FYB1: variants seen among roughly 807,000 people sequenced by gnomAD.
The protein encoded by FYB1 is FYN-binding protein 1.
A neutral mutation model predicts 94.1 loss-of-function variants in FYB1; 41 were observed. The ratio of observed to expected loss-of-function variants is 0.44; its 90% CI spans 0.34 to 0.57. FYB1 has a LOEUF of 0.57. Among genes scored for constraint, FYB1 ranks in the 20% least tolerant of loss-of-function variants. FYB1 has a pLI of 0.02. For synonymous variants in FYB1, 367 were observed against 353.2 expected (o/e 1.04, Z -0.44); for missense variants, 1,050 against 976.8 (o/e 1.07, Z -1.00).
intron 1 of FYB1, among the ~76,000 whole-genome samples, chr5:39,258,421 G>A (rs1009561594): frequency 2.6e-5 from 4 of 152,104 alleles, no homozygotes; most frequent in Non-Finnish European, 5.9e-5. Context: ...CCAACATGGT[G>A]AAACCCCATC....
intron 17 of FYB1, among the ~76,000 whole-genome samples, chr5:39,108,935 T>C (rs1239245879): frequency 6.6e-6 from 1 of 152,134 alleles, no homozygotes; most frequent in Non-Finnish European, 1.5e-5. Context: ...ATCCCTTCTA[T>C]GTACCAGGAG....
At chr5:39,267,748 A>G (rs1259759182) in intron 1 of FYB1, among the ~76,000 whole-genome samples, 1 of 152,266 alleles carries the variant, frequency 6.6e-6, no homozygotes, top group African/African-American at 2.4e-5. Flanking sequence ...TTACTATGCC[A>G]TTATATAGTA....
chr5:39,246,800 G>A (rs1194989757), intron 1 of FYB1, among the ~76,000 whole-genome samples: 1 of 152,046 alleles, frequency 6.6e-6, no homozygotes. Flanking sequence ...AGAGTCACAT[G>A]ACAAAGACAT....
chr5:39,181,228 C>T (rs896180885), intron 2 of FYB1, among the ~76,000 whole-genome samples: 2 of 152,132 alleles, frequency 1.3e-5, no homozygotes, highest in Admixed American at 6.5e-5. Flanking sequence ...TATATCAGTG[C>T]TGTCCAAAAG....
chr5:39,256,239 C>A (rs1478041363), intron 1 of FYB1, among the ~76,000 whole-genome samples: 1 of 152,116 alleles, frequency 6.6e-6, no homozygotes, highest in East Asian at 1.9e-4. Flanking sequence ...TGCAATGAAC[C>A]CAAAGGAGAA....
intron 1 of FYB1, among the ~76,000 whole-genome samples, chr5:39,260,774 A>G (rs977203204): frequency 3.3e-5 from 5 of 152,118 alleles, no homozygotes; most frequent in Non-Finnish European, 5.9e-5. Context: ...CGTAGTGTAT[A>G]ATATTCCTAT....
At chr5:39,232,647 ATGC>A (rs1450383371) in intron 1 of FYB1, among the ~76,000 whole-genome samples, 1 of 151,562 alleles carries the variant, frequency 6.6e-6, no homozygotes, top group Admixed American at 6.6e-5. Flanking sequence ...TACATGTGCC[ATGC>A]TGGTGCACTG....
intron 1 of FYB1, among the ~76,000 whole-genome samples, chr5:39,212,017 A>G (rs1749441968): frequency 6.6e-6 from 1 of 152,224 alleles, no homozygotes; most frequent in Admixed American, 6.5e-5. Context: ...GACAGGTGGC[A>G]GCAGCTGGGC....
At chr5:39,188,494 CGTAG>C (rs1747049040) in intron 2 of FYB1, among the ~76,000 whole-genome samples, 1 of 126,184 alleles carries the variant, frequency 7.9e-6, no homozygotes, top group African/African-American at 3.0e-5. Flanking sequence ...CCACAGCCCC[CGTAG>C]CCCCACTGCC....
intron 1 of FYB1, among the ~76,000 whole-genome samples, chr5:39,247,078 A>ATGTATG (rs1454744910): frequency 1.1e-5 from 1 of 93,798 alleles, no homozygotes; most frequent in Non-Finnish European, 2.0e-5. Flanking sequence ...GTTCATATAT[A>ATGTATG]TATATATATA....
intron 2 of FYB1, among the ~76,000 whole-genome samples, chr5:39,166,438 A>T (rs369707760): frequency 5.3e-5 from 1 of 18,752 alleles, no homozygotes; most frequent in Non-Finnish European, 3.8e-3. Context: ...TCCGTCTCAT[A>T]AAAAAAAAAA....
chr5:39,122,217 T>A (rs561404788), intron 14 of FYB1, 119 bp downstream of exon 14: 4 of 664,950 alleles, frequency 6.0e-6, no homozygotes, highest in African/African-American at 1.8e-5. Context: ...TAGAGAGGAG[T>A]CCAGAGCCAA....
chr5:39,157,017 G>A (rs190149256), intron 2 of FYB1, among the ~76,000 whole-genome samples: 2 of 152,152 alleles, frequency 1.3e-5, no homozygotes, highest in Admixed American at 1.3e-4. Context: ...ACCATACTTG[G>A]CATTCTACAT....
At chr5:39,230,701 A>G (rs1415388721) in intron 1 of FYB1, among the ~76,000 whole-genome samples, 5 of 151,998 alleles carry the variant, frequency 3.3e-5, no homozygotes, top group Non-Finnish European at 7.4e-5. Flanking sequence ...ACTTCAGTGA[A>G]TTGGCCTTAC....
chr5:39,259,236 A>G lies in FYB1; in HGVS notation c.-28+15167T>C, dbSNP rs537731811. On this transcript the variant is annotated intron_variant, in intron 1 of 1. Coordinates refer to the FYB1 transcript ENST00000510188. ...TGAAGTCCAACTGTATCTAGCTGGTAGAGACCAGAGATGCTGATAATCATT... is the reference window on the plus strand; with the variant it reads ...TGAAGTCCAACTGTATCTAGCTGGTGGAGACCAGAGATGCTGATAATCATT... Among the ~76,000 whole-genome samples, 6 of 152,376 alleles carry G rather than the reference A, an allele frequency of 3.9e-5. No homozygotes were observed. In the South Asian group the frequency reaches 1.2e-3, roughly 32 times the overall value.
chr5:39,269,907 T>A (rs1266129890), intron 1 of FYB1: 6 of 147,142 alleles, frequency 4.1e-5, no homozygotes, highest in African/African-American at 1.3e-4. Flanking sequence ...GGAGCCCTCC[T>A]TTTTTTTTCC....
At chr5:39,265,170 T>C (rs1328523818) in intron 1 of FYB1, among the ~76,000 whole-genome samples, 2 of 151,940 alleles carry the variant, frequency 1.3e-5, no homozygotes, top group Non-Finnish European at 2.9e-5. Context: ...ACCCCATCTC[T>C]ACCAAAAATA....
intron 1 of FYB1, among the ~76,000 whole-genome samples, chr5:39,273,085 G>A (rs531266533): frequency 2.6e-5 from 4 of 152,294 alleles, no homozygotes; most frequent in East Asian, 1.9e-4. Flanking sequence ...CTGCCCGGCC[G>A]CCCCTTCTGG....
rs750489458 is a variant in FYB1 at position 39,134,941 on chromosome 5, C to CT, written c.1588dup (p.Ser530LysfsTer9). On this transcript the variant is annotated frameshift_variant, in exon 8 of 19. Transcript: ENST00000512982. LOFTEE classifies it high-confidence loss of function. ...TTCAATTTGCTCTCCTTGCTTGAAG[C>CT]TCAGTTCATTCTTTCCTCCTTTGAC... 1 of 1,613,906 alleles carries CT rather than the reference C, an allele frequency of 6.2e-7. No homozygotes were observed. Among genetic ancestry groups the CT allele is most frequent in the Non-Finnish European group, 8.5e-7 (1 of 1,179,848 alleles).
Sources: gnomAD v4.1 joint callset for allele counts (sites outside exome capture counted in the v4.1 genomes callset) on GRCh38, gnomAD v4.1.1 for gene constraint, MANE v1.5 for transcripts, NCBI Gene and HGNC (gene_info 2026-07-23, HGNC 2026-07-21) for gene names.